Variants in DENND5A observed in about 807,000 individuals in gnomAD.
DENND5A encodes the protein DENN domain-containing protein 5A.
DENND5A carries 64 observed loss-of-function variants against 140.3 expected under a neutral mutation model. The ratio of observed to expected loss-of-function variants is 0.46; its 90% CI spans 0.37 to 0.56. The LOEUF (loss-of-function observed/expected upper bound fraction) is 0.56. Among genes scored for constraint, DENND5A ranks in the 20% least tolerant of loss-of-function variants. The pLI is 0.00. For missense variants in DENND5A, 1,292 were observed against 1,593.8 expected (o/e 0.81, Z 3.22); for synonymous variants, 605 against 607.7 (o/e 1.00, Z 0.07).
chr11:9,242,527 G>A (rs1851278123), intron 1 of DENND5A: 2 of 152,066 alleles, frequency 1.3e-5, no homozygotes, highest in African/African-American at 4.8e-5. Context: ...AAAAGTAGAA[G>A]ACTTTAGAGA....
At chr11:9,149,118 T>C (rs1847528071) in intron 15 of DENND5A, among the ~76,000 whole-genome samples, 1 of 152,196 alleles carries the variant, frequency 6.6e-6, no homozygotes. Flanking sequence ...ATATGGGAGC[T>C]AACTCATTTC....
chr11:9,223,944 C>T (rs1053943333), intron 1 of DENND5A, among the ~76,000 whole-genome samples: 4 of 152,008 alleles, frequency 2.6e-5, no homozygotes, highest in African/African-American at 9.7e-5. Context: ...GTAATCCCAG[C>T]ACTTTGGGAG....
intron 1 of DENND5A, among the ~76,000 whole-genome samples, chr11:9,244,222 G>T (rs1463752402): frequency 6.6e-6 from 1 of 152,166 alleles, no homozygotes; most frequent in Non-Finnish European, 1.5e-5. Context: ...TTGTATTTCT[G>T]CTGTGGTTTA....
chr11:9,183,788 T>C (rs919856416), intron 5 of DENND5A, among the ~76,000 whole-genome samples: 2 of 152,202 alleles, frequency 1.3e-5, no homozygotes, highest in East Asian at 3.8e-4. Flanking sequence ...TAGGTTGAGA[T>C]TCAACCATTT....
At chr11:9,197,685 A>T (rs1404621211) in intron 4 of DENND5A, among the ~76,000 whole-genome samples, 1 of 151,910 alleles carries the variant, frequency 6.6e-6, no homozygotes, top group Non-Finnish European at 1.5e-5. Context: ...ACAGAGCAAG[A>T]CCCCGTCTTA....
intron 1 of DENND5A, among the ~76,000 whole-genome samples, chr11:9,232,898 C>T (rs756284531): frequency 2.0e-5 from 3 of 152,152 alleles, no homozygotes; most frequent in African/African-American, 7.2e-5. Flanking sequence ...GTGAGAACGA[C>T]CAACCTAAAA....
chr11:9,152,435 G>A lies in DENND5A; in HGVS notation c.2444C>T (p.Ser815Leu). Residue 815 changes from serine to leucine, a missense_variant, in exon 13 of 23, where the codon TCA (serine) becomes TTA (leucine). By Grantham distance (145) the Ser-to-Leu change is moderately radical. Around this residue, in one of 4 missense-constraint regions of DENND5A, gnomAD observed 498 missense variants for 689.7 expected, o/e 0.72. Coordinates refer to ENST00000328194, the MANE Select transcript of DENND5A (RefSeq NM_015213.4). The part of the protein sequence containing the change: ...SHGLQVKQGK[S>L]ALWSHLLHYQ... The stretch of plus-strand genomic sequence containing the variant: ...ATGTAACAGGTGGGACCATAAGGCT[G>A]ATTTCCCCTGGAACCAATGCAAGGG... 6.2e-7 allele frequency: 1 copy of A among 1,612,810 alleles called. No homozygotes were observed. Among genetic ancestry groups the A allele is most frequent in the Non-Finnish European group, 8.5e-7 (1 of 1,178,808 alleles).
chr11:9,250,896 G>T (rs1851688817), intron 1 of DENND5A, among the ~76,000 whole-genome samples: 1 of 152,148 alleles, frequency 6.6e-6, no homozygotes, highest in Non-Finnish European at 1.5e-5. Flanking sequence ...CACTTTGGCA[G>T]GCTGAGGCGG....
intron 1 of DENND5A, among the ~76,000 whole-genome samples, chr11:9,219,139 G>A (rs1489284860): frequency 6.6e-6 from 1 of 151,744 alleles, no homozygotes; most frequent in Non-Finnish European, 1.5e-5. Flanking sequence ...AAAATAAAGG[G>A]GAGGAAATTA....
At chr11:9,231,312 T>G (rs1201523207) in intron 1 of DENND5A, among the ~76,000 whole-genome samples, 1 of 152,202 alleles carries the variant, frequency 6.6e-6, no homozygotes, top group African/African-American at 2.4e-5. Context: ...GCAGCAAACG[T>G]GGCTATACTA....
intron 8 of DENND5A, chr11:9,172,309 T>C (rs1848397379): frequency 6.6e-6 from 1 of 152,154 alleles, no homozygotes. Flanking sequence ...ATCAAATTGC[T>C]CAAAATCAGT....
intron 1 of DENND5A, among the ~76,000 whole-genome samples, chr11:9,234,502 C>T (rs371134795): frequency 2.6e-5 from 4 of 152,126 alleles, no homozygotes; most frequent in African/African-American, 7.2e-5. Context: ...AAAGTGGAAA[C>T]CTTGTTGGGA....
chr11:9,241,637 A>G (rs1189648788), intron 1 of DENND5A, among the ~76,000 whole-genome samples: 2 of 152,138 alleles, frequency 1.3e-5, no homozygotes, highest in African/African-American at 4.8e-5. Context: ...CTCCACATAT[A>G]CATATGGCTC....
intron 1 of DENND5A, among the ~76,000 whole-genome samples, chr11:9,255,083 A>C (rs1468802805): frequency 6.6e-6 from 1 of 151,692 alleles, no homozygotes; most frequent in African/African-American, 2.4e-5. Context: ...AAAATAATAA[A>C]TAAAATAAAA....
chr11:9,251,138 C>CAAAAAAAAA (rs887593530), intron 1 of DENND5A, among the ~76,000 whole-genome samples: 5 of 89,970 alleles, frequency 5.6e-5, no homozygotes, highest in East Asian at 4.7e-4. Flanking sequence ...CCATCTCAAA[C>CAAAAAAAAA]AAAAAAAAAA....
intron 12 of DENND5A, 22 bp downstream of exon 12, chr11:9,160,691 T>C (rs1847950042): frequency 6.3e-7 from 1 of 1,594,018 alleles, no homozygotes; most frequent in Non-Finnish European, 8.6e-7. Flanking sequence ...TGCTCAGCAA[T>C]GAGAGGCAAG....
At chr11:9,228,032 G>A (rs1850603491) in intron 1 of DENND5A, among the ~76,000 whole-genome samples, 1 of 137,136 alleles carries the variant, frequency 7.3e-6, no homozygotes, top group Non-Finnish European at 1.5e-5. Flanking sequence ...AGAATCATTT[G>A]AACCCAGGAG....
At chr11:9,230,230 CTTTTTTTTTTT>C (rs71062817) in intron 1 of DENND5A, among the ~76,000 whole-genome samples, 5 of 52,060 alleles carry the variant, frequency 9.6e-5, no homozygotes, top group African/African-American at 9.1e-5. Flanking sequence ...AAAACTAATG[CTTTTTTTTTTT>C]TTTTTTTTTT....
chr11:9,182,323 AAACT>A (rs1178258226), intron 5 of DENND5A, among the ~76,000 whole-genome samples: 1 of 152,192 alleles, frequency 6.6e-6, no homozygotes, highest in Non-Finnish European at 1.5e-5. Flanking sequence ...CTCAAAAAAC[AAACT>A]AACAAAAAAC....
Sources: allele counts gnomAD v4.1 joint callset (sites outside exome capture counted in the v4.1 genomes callset), GRCh38; gene constraint gnomAD v4.1.1; regional missense constraint gnomAD v4.1.1; transcripts MANE v1.5; gene names NCBI Gene and HGNC (gene_info 2026-07-23, HGNC 2026-07-21).